The following SYNPR variants were observed in gnomAD, a reference collection of about 807,000 sequenced individuals.
SYNPR encodes the protein synaptoporin.
SYNPR carries 23 observed loss-of-function variants against 32.9 expected under a neutral mutation model. The ratio of observed to expected loss-of-function variants is 0.70; its 90% confidence interval spans 0.50 to 0.99. The LOEUF (loss-of-function observed/expected upper bound fraction) is 0.99, where lower values mean the gene tolerates loss of function less well. SYNPR is among the 50% of genes least tolerant of loss of function. The probability of loss-of-function intolerance (pLI) is 0.00; values close to 1 mark genes in which losing one functional copy is unlikely to be tolerated. For synonymous variants in SYNPR, 146 were observed against 135.9 expected (o/e 1.07, Z -0.52); for missense variants, 318 against 349.3 (o/e 0.91, Z 0.71).
chr3:63,296,194 A>G (rs911042641), intron 2 of SYNPR, among the ~76,000 whole-genome samples: 85 of 152,342 alleles, frequency 5.6e-4, no homozygotes, highest in African/African-American at 1.9e-3. Context: ...GTGGTAATAC[A>G]AGCCCAGTGC....
At chr3:63,287,592 C>T (rs372899248) in intron 2 of SYNPR, among the ~76,000 whole-genome samples, 44 of 152,188 alleles carry the variant, frequency 2.9e-4, no homozygotes, top group Non-Finnish European at 3.7e-4. Context: ...TCAGGGACAT[C>T]GGCAATCTCC....
chr3:63,540,992 A>G (rs985178604), intron 3 of SYNPR, among the ~76,000 whole-genome samples: 6 of 149,600 alleles, frequency 4.0e-5, no homozygotes, highest in African/African-American at 1.5e-4. Context: ...AGCCTGGCCA[A>G]TTAGTACATC....
intron 2 of SYNPR, among the ~76,000 whole-genome samples, chr3:63,459,212 C>T (rs1423781683): frequency 1.3e-5 from 2 of 152,126 alleles, no homozygotes; most frequent in African/African-American, 2.4e-5. Flanking sequence ...TTTACTCCCA[C>T]TATTCACCAA....
At chr3:63,609,399 T>C (rs1401854441) in intron 5 of SYNPR, 83 bp downstream of exon 5, 22 of 1,264,430 alleles carry the variant, frequency 1.7e-5, no homozygotes, top group Non-Finnish European at 2.3e-5. Flanking sequence ...AGAAGTCATC[T>C]TGAAAATTGT....
chr3:63,518,805 G>T (rs1166937268), intron 3 of SYNPR, among the ~76,000 whole-genome samples: 2 of 152,070 alleles, frequency 1.3e-5, no homozygotes, highest in African/African-American at 2.4e-5. Flanking sequence ...CAAGCAACCT[G>T]CTCAGAAATC....
intron 2 of SYNPR, among the ~76,000 whole-genome samples, chr3:63,335,375 T>A (rs139211283): frequency 0.066 from 8,242 of 125,150 alleles, 270 homozygotes; most frequent in South Asian, 0.093. Flanking sequence ...AAAAAAAAAA[T>A]GGCAAAAACT....
At chr3:63,500,095 T>A (rs1701450842) in intron 3 of SYNPR, among the ~76,000 whole-genome samples, 1 of 152,190 alleles carries the variant, frequency 6.6e-6, no homozygotes, top group Non-Finnish European at 1.5e-5. Flanking sequence ...TGGTATTAAA[T>A]AAGACAAGGG....
intron 2 of SYNPR, among the ~76,000 whole-genome samples, chr3:63,408,277 GAGGAAGGAAGGAAGGAAGGA>G (rs71126602): frequency 5.5e-4 from 25 of 45,652 alleles, no homozygotes; most frequent in African/African-American, 2.6e-3. Flanking sequence ...AAGAAAGAAA[GAGGAAGGAAGGAAGGAAGGA>G]AGGAAGGAAG....
chr3:63,519,629 A>C (rs1381582135), intron 3 of SYNPR, among the ~76,000 whole-genome samples: 1 of 152,182 alleles, frequency 6.6e-6, no homozygotes, highest in Non-Finnish European at 1.5e-5. Flanking sequence ...ACTGAATCAC[A>C]CTTGACAGAT....
At chr3:63,588,053 T>G (rs1413587938) in intron 4 of SYNPR, among the ~76,000 whole-genome samples, 5 of 152,128 alleles carry the variant, frequency 3.3e-5, no homozygotes, top group African/African-American at 1.2e-4. Flanking sequence ...TTGTATAATA[T>G]TTTAATTATC....
chr3:63,570,196 C>T (rs1702861565), intron 4 of SYNPR, among the ~76,000 whole-genome samples: 1 of 152,040 alleles, frequency 6.6e-6, no homozygotes, highest in Admixed American at 6.6e-5. Flanking sequence ...AGAGTTGGCA[C>T]ACTTAGGGGA....
At chr3:63,251,446 G>A (rs1469049341) in intron 1 of SYNPR, among the ~76,000 whole-genome samples, 1 of 152,100 alleles carries the variant, frequency 6.6e-6, no homozygotes, top group African/African-American at 2.4e-5. Context: ...AATGAAGTCT[G>A]AGAGAAAAGA....
chr3:63,610,218 G>T (rs1394038504), intron 5 of SYNPR, among the ~76,000 whole-genome samples: 1 of 152,160 alleles, frequency 6.6e-6, no homozygotes, highest in Non-Finnish European at 1.5e-5. Flanking sequence ...ATCATCAAGA[G>T]TTATGGCTCT....
At chr3:63,240,952 C>T (rs575857307) in intron 1 of SYNPR, among the ~76,000 whole-genome samples, 9 of 152,084 alleles carry the variant, frequency 5.9e-5, no homozygotes, top group Non-Finnish European at 1.2e-4. Flanking sequence ...CTTTTGACAG[C>T]GCCATGGAAC....
chr3:63,503,182 AT>A (rs994366185), intron 3 of SYNPR, among the ~76,000 whole-genome samples: 1 of 151,772 alleles, frequency 6.6e-6, no homozygotes, highest in East Asian at 1.9e-4. Context: ...TTTAATTTGT[AT>A]TTTTTTTCTG....
intron 2 of SYNPR, among the ~76,000 whole-genome samples, chr3:63,375,299 C>T (rs912791859): frequency 7.2e-5 from 11 of 152,058 alleles, no homozygotes; most frequent in Admixed American, 3.9e-4. Flanking sequence ...CTATTCACAA[C>T]AGCAAAGACT....
intron 3 of SYNPR, among the ~76,000 whole-genome samples, chr3:63,499,232 G>A (rs924332369): frequency 6.6e-6 from 1 of 152,104 alleles, no homozygotes; most frequent in Non-Finnish European, 1.5e-5. Context: ...TGGGCGAGAA[G>A]GTTAGGCAAA....
At chr3:63,349,028 A>T (rs1209794561) in intron 2 of SYNPR, among the ~76,000 whole-genome samples, 1 of 152,182 alleles carries the variant, frequency 6.6e-6, no homozygotes, top group Non-Finnish European at 1.5e-5. Flanking sequence ...GATCTGTGAA[A>T]AATGACATTG....
At chr3:63,555,646 A>T (rs1208550939) in intron 3 of SYNPR, among the ~76,000 whole-genome samples, 5 of 152,308 alleles carry the variant, frequency 3.3e-5, no homozygotes, top group Admixed American at 2.0e-4. Context: ...AGAAGTTATA[A>T]AAGTTCAATC....
Sources: gnomAD v4.1 joint callset for allele counts (sites outside exome capture counted in the v4.1 genomes callset) on GRCh38, gnomAD v4.1.1 for gene constraint, MANE v1.5 for transcripts, NCBI Gene and HGNC (gene_info 2026-07-23, HGNC 2026-07-21) for gene names.